The following KIF5B variants were observed in gnomAD, a reference collection of about 807,000 sequenced individuals.
KIF5B encodes kinesin family member 5B.
A neutral mutation model predicts 132.8 loss-of-function variants in KIF5B; 49 were observed. The observed-to-expected ratio is 0.37, with a 90% confidence interval of 0.29 to 0.47. The LOEUF is 0.47. Among genes scored for constraint, KIF5B ranks in the 20% least tolerant of loss-of-function variants. KIF5B has a pLI of 1.00. For missense variants in KIF5B, 780 were observed against 1,144.0 expected, an observed-to-expected ratio of 0.68 and a Z score of 4.59; for synonymous variants, 355 against 369.4, an observed-to-expected ratio of 0.96 and a Z score of 0.45.
In KIF5B at chr10:32,055,977, T is replaced by TCTGTTCACTTCAGA; in HGVS notation, c.-5_-4insTCTGAAGTGAACAG. 6.2e-7 allele frequency: 1 copy of TCTGTTCACTTCAGA among 1,603,864 alleles called. No individual in the cohort carries two copies. ...TGCACTCGGCCAGGTCCGCCATCTT[T>TCTGTTCACTTCAGA]CTCGCAGCCGGGGCCGGCGGCCGGG... On this transcript the variant is annotated 5_prime_UTR_variant, in exon 1 of 26. Transcript: ENST00000302418.
chr10:32,031,656 G>A (rs1475647361), intron 13 of KIF5B, among the ~76,000 whole-genome samples: 3 of 151,794 alleles, frequency 2.0e-5, no homozygotes, highest in African/African-American at 7.3e-5. Context: ...GCAGTCACAT[G>A]CAAATTAATG....
chr10:32,017,188 C>G lies in KIF5B; in HGVS notation c.2716G>C (p.Val906Leu). The change falls in exon 24 of 26, where the codon GTC becomes CTC. Residue 906 changes from valine to leucine, a missense_variant. Physicochemically the swap from Val to Leu is conservative, Grantham distance 32 (BLOSUM62 1). Coordinates refer to ENST00000302418, the MANE Select transcript of KIF5B (RefSeq NM_004521.3). Reference sequence around the variant, plus strand: ...CTTCTGGCCATATTCTTTGACCTGACTGCTTCCTTTATGCGATCTACTTCT... The same window carrying G: ...CTTCTGGCCATATTCTTTGACCTGAGTGCTTCCTTTATGCGATCTACTTCT... ...QQEVDRIKEAVRSKNMARRGH... is the reference protein window; with the variant it reads ...QQEVDRIKEALRSKNMARRGH... 6.2e-7 allele frequency: 1 copy of G among 1,614,248 alleles called. No individual in the cohort carries two copies. Among genetic ancestry groups the G allele is most frequent in the Non-Finnish European group, 8.5e-7 (1 of 1,180,040 alleles).
At chr10:32,044,549 G>A (rs879815806) in intron 2 of KIF5B, among the ~76,000 whole-genome samples, 5 of 152,144 alleles carry the variant, frequency 3.3e-5, no homozygotes, top group African/African-American at 9.7e-5. Context: ...GCGCATGCCC[G>A]TAATCCCAGC....
chr10:32,015,924 AT>A (rs1841153178), intron 24 of KIF5B, among the ~76,000 whole-genome samples: 1 of 152,010 alleles, frequency 6.6e-6, no homozygotes, highest in African/African-American at 2.4e-5. Context: ...TGGGTGGATC[AT>A]TTGGGTCCAG....
At position 32,020,993 on chromosome 10, in the gene KIF5B, C is replaced by G. The variant is rs375665751; in HGVS notation, c.2204+29G>C. ...CATGACCATCAGTAACCGATTCTTT[C>G]CTCCTAACTAGAGAAGTATAATACT... On this transcript the variant is annotated intron_variant, in intron 19 of 25. Transcript: ENST00000302418. The G allele has an allele frequency of 2.1e-5, 26 of 1,257,504 alleles. No homozygotes were observed. In the African/African-American group the frequency reaches 3.3e-4, roughly 16 times the overall value. 77.9% of individuals were successfully genotyped at this position (1,257,504 alleles called of 1,614,324 possible). A position where few individuals can be genotyped will look rare whatever the true frequency, so the allele number is the denominator to read the frequency against.
chr10:32,021,725 C>G (rs1360954086), intron 17 of KIF5B, among the ~76,000 whole-genome samples: 2 of 152,114 alleles, frequency 1.3e-5, no homozygotes, highest in African/African-American at 2.4e-5. Context: ...GTAATCCCAG[C>G]ACTTTGGGAG....
intron 15 of KIF5B, among the ~76,000 whole-genome samples, chr10:32,026,236 C>G (rs1841331740): frequency 6.6e-6 from 1 of 151,992 alleles, no homozygotes; most frequent in South Asian, 2.1e-4. Flanking sequence ...AGATCAAGAC[C>G]ATCCTGGCTA....
At chr10:32,049,546 A>G (rs1280081917) in intron 1 of KIF5B, among the ~76,000 whole-genome samples, 1 of 152,188 alleles carries the variant, frequency 6.6e-6, no homozygotes, top group African/African-American at 2.4e-5. Flanking sequence ...CAAGAAACCA[A>G]TGGAAGTTGT....
chr10:32,019,365 T>A (rs116566693), intron 20 of KIF5B, among the ~76,000 whole-genome samples: 2,433 of 152,326 alleles, frequency 0.016, 76 homozygotes, highest in African/African-American at 0.054. Context: ...TGAAAAATTA[T>A]AATCATGCAC....
chr10:32,033,940 C>G lies in KIF5B; in HGVS notation c.1210G>C (p.Ala404Pro). The change falls in exon 12 of 26, where the codon GCA becomes CCA. Residue 404 changes from alanine to proline, a missense_variant. Ala to Pro is a conservative substitution (Grantham distance 27, BLOSUM62 -1). Coordinates refer to ENST00000302418, the MANE Select transcript of KIF5B (RefSeq NM_004521.3). ...KDITLTNDKPATAIGVIGNFT... is the reference protein window; with the variant it reads ...KDITLTNDKPPTAIGVIGNFT... ...TTTCCTATAACTCCAATTGCGGTTGCTGGTTTATCATTGGTAAGAGTAATA... is the reference window on the plus strand; with the variant it reads ...TTTCCTATAACTCCAATTGCGGTTGGTGGTTTATCATTGGTAAGAGTAATA... 1.2e-6 allele frequency: 2 copies of G among 1,612,678 alleles called. No homozygotes were observed. Among genetic ancestry groups the G allele is most frequent in the Non-Finnish European group, 1.7e-6 (2 of 1,178,986 alleles).
intron 6 of KIF5B, among the ~76,000 whole-genome samples, 194 bp from the exon 7 acceptor site, chr10:32,037,801 C>T (rs1841480570): frequency 6.6e-6 from 1 of 151,976 alleles, no homozygotes; most frequent in Non-Finnish European, 1.5e-5. Context: ...CCATGCACTC[C>T]AGCCTGAGCA....
rs1367929999 is a variant in KIF5B at position 32,015,647 on chromosome 10, C to T, written c.2774G>A (p.Arg925His). ...AGAAGCTGCTGGATGTTGCCCGGGA[C>T]GAATAGGTTTAGCTAATATGAAAAA... ...GHSAQIAKPI[R>H]PGQHPAASPT... is the part of the protein sequence containing the mutation. The change falls in exon 25 of 26, where the codon CGT (arginine) becomes CAT (histidine). Residue 925 changes from arginine (R) to histidine (H), a missense_variant. Physicochemically the swap from Arg to His is conservative, Grantham distance 29. Around this residue, in one of 9 missense-constraint regions of KIF5B, gnomAD observed 90 missense variants for 101.8 expected, o/e 0.88. Coordinates refer to ENST00000302418, the MANE Select transcript of KIF5B (RefSeq NM_004521.3). The T allele has an allele frequency of 3.7e-6, 6 of 1,611,678 alleles. No homozygotes were observed. The Admixed American group carries it at 5.0e-5, about 14-fold the overall frequency.
At chr10:32,018,014 A>C in intron 23 of KIF5B, 38 bp downstream of exon 23, 1 of 1,165,008 alleles carries the variant, frequency 8.6e-7, no homozygotes, top group Middle Eastern at 2.0e-4. Context: ...TTTGATTTTT[A>C]CTATCTTGCA....
intron 20 of KIF5B, 88 bp from the exon 21 acceptor site, chr10:32,018,650 G>A: frequency 1.0e-6 from 1 of 980,470 alleles, no homozygotes; most frequent in Non-Finnish European, 1.5e-6. Flanking sequence ...TTTTGTGTCT[G>A]AAAGGATAAA....
At chr10:32,024,884 C>G (rs1332814901) in intron 15 of KIF5B, among the ~76,000 whole-genome samples, 1 of 152,060 alleles carries the variant, frequency 6.6e-6, no homozygotes, top group African/African-American at 2.4e-5. Flanking sequence ...CGAAACCAGC[C>G]TGGACAATAT....
chr10:32,051,941 T>C (rs575810781), intron 1 of KIF5B, among the ~76,000 whole-genome samples: 1 of 152,324 alleles, frequency 6.6e-6, no homozygotes, highest in African/African-American at 2.4e-5. Context: ...CAGCTTTTAA[T>C]CCCATGTGTC....
In KIF5B at chr10:32,056,180, C is replaced by A. The variant is rs1841760967; in HGVS notation, c.-207G>T. ...CAGCCGTTAACCCTAATGCTCACTT[C>A]CGATCCATCATGGCAGCCATGGCGG... On this transcript the variant is annotated 5_prime_UTR_variant, in exon 1 of 26. Coordinates refer to ENST00000302418, the MANE Select transcript of KIF5B (RefSeq NM_004521.3). 8.6e-5 allele frequency: 48 copies of A among 560,036 alleles called. 1 individual carries two copies. In the South Asian group the frequency reaches 1.1e-3, roughly 12 times the overall value. 34.7% of individuals were successfully genotyped at this position (560,036 alleles called of 1,614,324 possible).
At chr10:32,054,549 T>C (rs1179287844) in intron 1 of KIF5B, among the ~76,000 whole-genome samples, 2 of 152,212 alleles carry the variant, frequency 1.3e-5, no homozygotes, top group African/African-American at 2.4e-5. Context: ...GTGTCAATGC[T>C]TTCAATCATC....
At chr10:32,024,064 CA>C (rs371018606) in intron 15 of KIF5B, among the ~76,000 whole-genome samples, 12,336 of 100,102 alleles carry the variant, frequency 0.12, 770 homozygotes, top group South Asian at 0.15. Flanking sequence ...AAAAAAAAAA[CA>C]AAAAAAAAAA....
Sources: allele counts gnomAD v4.1 joint callset (sites outside exome capture counted in the v4.1 genomes callset), GRCh38; gene constraint gnomAD v4.1.1; regional missense constraint gnomAD v4.1.1; transcripts MANE v1.5; gene names NCBI Gene and HGNC (gene_info 2026-07-23, HGNC 2026-07-21).